ADGRD1: variants seen among roughly 807,000 people sequenced by gnomAD.
ADGRD1 encodes G-protein coupled receptor 133.
ADGRD1 carries 77 observed loss-of-function variants against 113.4 expected under a neutral mutation model. The ratio of observed to expected loss-of-function variants is 0.68; its 90% CI spans 0.57 to 0.82. ADGRD1 has a LOEUF of 0.82. ADGRD1 is among the 40% of genes least tolerant of loss of function. ADGRD1 has a pLI of 0.00. For synonymous variants in ADGRD1, 474 were observed against 475.0 expected, an observed-to-expected ratio of 1.00 and a Z score of 0.03; for missense variants, 1,036 against 1,139.1, an observed-to-expected ratio of 0.91 and a Z score of 1.30.
chr12:130,999,427 A>G (rs1876049727), intron 8 of ADGRD1, among the ~76,000 whole-genome samples: 1 of 152,168 alleles, frequency 6.6e-6, no homozygotes, highest in African/African-American at 2.4e-5. Context: ...AAGGCCTTGC[A>G]CTCTAAGGTC....
At chr12:131,106,863 C>T (rs756741015) in intron 17 of ADGRD1, among the ~76,000 whole-genome samples, 24 of 152,206 alleles carry the variant, frequency 1.6e-4, no homozygotes, top group Non-Finnish European at 2.9e-4. Context: ...TCCTGCTGGA[C>T]GCTTCTCAGG....
rs186576803 is a variant in ADGRD1 at position 131,022,009 on chromosome 12, C to G, written c.1473+7669C>G. Among the ~76,000 whole-genome samples the G allele has an allele frequency of 3.3e-5, 5 of 152,252 alleles. No homozygotes were observed. The highest frequency in any genetic ancestry group is 2.6e-4 in the Admixed American group (4 of 15,294). ...ATGAGCCACCGCGCTCGGCCCTGATCTCTTCTTATAAGGATACTGGTCACG... is the reference window on the plus strand; with the variant it reads ...ATGAGCCACCGCGCTCGGCCCTGATGTCTTCTTATAAGGATACTGGTCACG... On this transcript the variant is annotated intron_variant, in intron 13 of 24. Coordinates refer to ENST00000261654, the MANE Select transcript of ADGRD1 (RefSeq NM_198827.5). This position sits in a 1 kb window ranked among gnomAD's most constrained non-coding sequence, Gnocchi z 4.6.
In ADGRD1 at chr12:131,003,450, A is replaced by C; in HGVS notation, c.1144+148A>C. 1 of 662,718 alleles carries C rather than the reference A, an allele frequency of 1.5e-6. No homozygotes were observed. Among genetic ancestry groups the C allele is most frequent in the Non-Finnish European group, 2.7e-6 (1 of 371,230 alleles). 41.1% of individuals were successfully genotyped at this position (662,718 alleles called of 1,614,324 possible). The stretch of plus-strand genomic sequence containing the variant: ...GGCACAAACCACATTTGGAAGGAAA[A>C]CCCGTGGTCAGATGAGGGCAGGTGT... On this transcript the variant is annotated intron_variant, in intron 10 of 24. Transcript: ENST00000261654. This position sits in a 1 kb window ranked among gnomAD's most constrained non-coding sequence, Gnocchi z 4.8.
chr12:131,055,395 G>C (rs913680763), intron 13 of ADGRD1, among the ~76,000 whole-genome samples: 1 of 152,216 alleles, frequency 6.6e-6, no homozygotes, highest in Non-Finnish European at 1.5e-5. Context: ...ACTGACTTCA[G>C]CGTTCGGGAT....
chr12:131,133,977 A>T (rs2136104738), intron 21 of ADGRD1, among the ~76,000 whole-genome samples: 1 of 152,072 alleles, frequency 6.6e-6, no homozygotes, highest in South Asian at 2.1e-4. Flanking sequence ...CTTCCCTGCC[A>T]CCCCCCTACC....
intron 19 of ADGRD1, among the ~76,000 whole-genome samples, chr12:131,119,339 G>A (rs1347390226): frequency 1.3e-5 from 2 of 152,220 alleles, no homozygotes; most frequent in African/African-American, 2.4e-5. Context: ...GTGTCTGAGC[G>A]CACAGTGAAA....
intron 13 of ADGRD1, among the ~76,000 whole-genome samples, chr12:131,017,154 G>A (rs371352994): frequency 1.3e-5 from 2 of 152,032 alleles, no homozygotes; most frequent in African/African-American, 2.4e-5. Flanking sequence ...CTGCAGGAGA[G>A]CCACACAGCC....
chr12:131,049,550 C>T (rs970642217), intron 13 of ADGRD1, among the ~76,000 whole-genome samples: 11 of 152,198 alleles, frequency 7.2e-5, no homozygotes, highest in Admixed American at 4.6e-4. Flanking sequence ...AGTGCTCATC[C>T]GTGCACCACC....
At chr12:130,996,467 C>T (rs1205608688) in intron 8 of ADGRD1, among the ~76,000 whole-genome samples, 1 of 116,864 alleles carries the variant, frequency 8.6e-6, no homozygotes, top group African/African-American at 3.1e-5. Flanking sequence ...CCTCACTTCC[C>T]AGTAGGGGCG....
chr12:131,036,273 CTGGGT>C (rs1342515071), intron 13 of ADGRD1, among the ~76,000 whole-genome samples: 3 of 151,440 alleles, frequency 2.0e-5, no homozygotes, highest in African/African-American at 4.9e-5. Context: ...ACTCACTGCA[CTGGGT>C]CTCACTCACT....
At chr12:130,994,201 C>T (rs186329857) in intron 8 of ADGRD1, 3 of 429,078 alleles carry the variant, frequency 7.0e-6, no homozygotes, top group Admixed American at 4.9e-5. Context: ...TATAGACAAG[C>T]TGGAAGGTCC....
intron 12 of ADGRD1, among the ~76,000 whole-genome samples, chr12:131,006,407 G>A (rs1323464259): frequency 2.0e-5 from 3 of 152,208 alleles, no homozygotes; most frequent in Non-Finnish European, 4.4e-5. Context: ...ACACACAGAT[G>A]GGCAAAGCCA....
intron 4 of ADGRD1, among the ~76,000 whole-genome samples, chr12:130,974,449 A>G (rs1872067091): frequency 2.0e-5 from 3 of 152,236 alleles, no homozygotes; most frequent in Non-Finnish European, 2.9e-5. Context: ...CCTAATAATC[A>G]TAATTCAGGT....
intron 3 of ADGRD1, chr12:130,969,332 T>C: frequency 2.4e-6 from 1 of 421,654 alleles, no homozygotes; most frequent in Non-Finnish European, 4.3e-6. Flanking sequence ...TGTTAGGAAC[T>C]GGGCTGCACA....
chr12:130,965,552 T>TA lies in ADGRD1; in HGVS notation c.104-908dup, dbSNP rs1477563040. 6.6e-6 allele frequency among the ~76,000 whole-genome samples: 1 copy of TA among 152,070 alleles called. No homozygotes were observed. The highest frequency in any genetic ancestry group is 1.5e-5 in the Non-Finnish European group (1 of 68,012). On this transcript the variant is annotated intron_variant, in intron 2 of 24. Transcript: ENST00000261654. The surrounding 1 kb of genome is among the most constrained non-coding windows in gnomAD (Gnocchi z 4.8). ...CCCGAGAAGACTAAAATTGTATGCA[T>TA]AAAGCCACTCATGTCAGCGCCACCT...
intron 20 of ADGRD1, among the ~76,000 whole-genome samples, chr12:131,123,195 C>A (rs931828494): frequency 4.0e-5 from 6 of 151,466 alleles, no homozygotes; most frequent in African/African-American, 1.2e-4. Context: ...CAGGCAGGTG[C>A]CACCAAGCCC....
chr12:131,137,046 G>A (rs764202269), intron 23 of ADGRD1, 32 bp downstream of exon 23: 19 of 1,580,520 alleles, frequency 1.2e-5, no homozygotes, highest in Non-Finnish European at 1.6e-5. Context: ...GCAGGTGCAG[G>A]TGCAGCTGGC....
In ADGRD1 at chr12:131,041,693, T is replaced by C. The variant is rs1882147312; in HGVS notation, c.1473+27353T>C. Among the ~76,000 whole-genome samples the C allele has an allele frequency of 6.6e-6, 1 of 152,152 alleles. No individual in the cohort carries two copies. The highest frequency in any genetic ancestry group is 2.1e-4 in the South Asian group (1 of 4,828). ...GACACCAGGTGCCAGAGTGGACATGTCATGCATGAATCAGGGAGCAGTTCC... is the reference window on the plus strand; with the variant it reads ...GACACCAGGTGCCAGAGTGGACATGCCATGCATGAATCAGGGAGCAGTTCC... On this transcript the variant is annotated intron_variant, in intron 13 of 24. Coordinates refer to ENST00000261654, the MANE Select transcript of ADGRD1 (RefSeq NM_198827.5). The surrounding 1 kb of genome is among the most constrained non-coding windows in gnomAD (Gnocchi z 4.4).
In ADGRD1 at chr12:131,041,480, C is replaced by T. The variant is rs753876846; in HGVS notation, c.1473+27140C>T. Among the ~76,000 whole-genome samples, 17 of 152,194 alleles carry T rather than the reference C, an allele frequency of 1.1e-4. No homozygotes were observed. The highest frequency in any genetic ancestry group is 1.2e-4 in the Non-Finnish European group (8 of 68,030). On this transcript the variant is annotated intron_variant, in intron 13 of 24. Coordinates refer to ENST00000261654, the MANE Select transcript of ADGRD1 (RefSeq NM_198827.5). This position sits in a 1 kb window ranked among gnomAD's most constrained non-coding sequence, Gnocchi z 4.4. ...CACCCTTGAGGGTATAACTAGTGAC[C>T]TTGGCAGGGAGACCGAGACCGAGAC...
Sources: allele counts gnomAD v4.1 joint callset (sites outside exome capture counted in the v4.1 genomes callset), GRCh38; gene constraint gnomAD v4.1.1; non-coding constraint Gnocchi (gnomAD v3.1); transcripts MANE v1.5; gene names NCBI Gene and HGNC (gene_info 2026-07-23, HGNC 2026-07-21).